Variants in MYCBP2 observed in about 807,000 individuals in gnomAD.
MYCBP2 encodes MYC binding protein 2.
A neutral mutation model predicts 525.3 loss-of-function variants in MYCBP2; 120 were observed. That is an observed-to-expected ratio of 0.23 (90% CI 0.20 to 0.27). The LOEUF (loss-of-function observed/expected upper bound fraction) is 0.27. Ranked by LOEUF, MYCBP2 falls within the 10% of genes least tolerant of loss-of-function variation. The pLI is 1.00. For missense variants in MYCBP2, 4,149 were observed against 5,657.1 expected, an observed-to-expected ratio of 0.73 and a Z score of 8.55; for synonymous variants, 1,894 against 1,955.8, an observed-to-expected ratio of 0.97 and a Z score of 0.83.
At chr13:77,213,213 G>T (rs556617876) in intron 21 of MYCBP2, among the ~76,000 whole-genome samples, 1 of 152,302 alleles carries the variant, frequency 6.6e-6, no homozygotes, top group South Asian at 2.1e-4. Flanking sequence ...AGTAGCTCAC[G>T]CCTGTAATCC....
chr13:77,324,367 A>G (rs927251035), intron 1 of MYCBP2, among the ~76,000 whole-genome samples: 1 of 152,180 alleles, frequency 6.6e-6, no homozygotes, highest in Non-Finnish European at 1.5e-5. Context: ...TCTCTAAAAG[A>G]TATCATCTTC....
rs148050936 is a variant in MYCBP2 at position 77,066,018 on chromosome 13, T to C, written c.12526A>G (p.Ile4176Val). 7.3e-5 allele frequency: 118 copies of C among 1,613,016 alleles called. No individual in the cohort carries two copies. Among genetic ancestry groups the C allele is most frequent in the Non-Finnish European group, 9.3e-5 (110 of 1,179,398 alleles). ...STPTQISEII[I>V]KLIKDMAAGH... ...GCTGCCATATCCTTGATAAGTTTAATGATGATCTCTGAGATCTGGGTAGGG... is the reference window on the plus strand; with the variant it reads ...GCTGCCATATCCTTGATAAGTTTAACGATGATCTCTGAGATCTGGGTAGGG... The change falls in exon 72 of 83, where the codon ATT becomes GTT. Residue 4176 changes from isoleucine to valine, a missense_variant. Physicochemically the swap from Ile to Val is conservative, Grantham distance 29. Around this residue, in one of 21 missense-constraint regions of MYCBP2, gnomAD observed 148 missense variants for 179.4 expected, o/e 0.82. Coordinates refer to ENST00000544440, the MANE Select transcript of MYCBP2 (RefSeq NM_015057.5).
intron 23 of MYCBP2, among the ~76,000 whole-genome samples, chr13:77,208,594 C>CA (rs1012976723): frequency 6.6e-6 from 1 of 151,876 alleles, no homozygotes; most frequent in Non-Finnish European, 1.5e-5. Context: ...TATTTTTGAG[C>CA]AAAAAATCTA....
At chr13:77,112,575 A>G (rs2049017329) in intron 55 of MYCBP2, among the ~76,000 whole-genome samples, 1 of 151,698 alleles carries the variant, frequency 6.6e-6, no homozygotes, top group Admixed American at 6.6e-5. Context: ...ACAGGTGTGC[A>G]TCACTATGCC....
At chr13:77,152,791 C>T (rs1429309661) in intron 46 of MYCBP2, among the ~76,000 whole-genome samples, 3 of 152,080 alleles carry the variant, frequency 2.0e-5, no homozygotes, top group African/African-American at 7.2e-5. Context: ...CGTGGCTGGG[C>T]GCGGTGGCTC....
intron 18 of MYCBP2, among the ~76,000 whole-genome samples, chr13:77,229,407 A>G (rs2066811529): frequency 6.6e-6 from 1 of 152,238 alleles, no homozygotes. Flanking sequence ...AAATGGTAGG[A>G]CAAATTTAGA....
At chr13:77,160,596 G>T (rs985044150) in intron 44 of MYCBP2, among the ~76,000 whole-genome samples, 5 of 152,060 alleles carry the variant, frequency 3.3e-5, no homozygotes, top group African/African-American at 1.2e-4. Context: ...TATTATAATT[G>T]TAAGATGCAA....
chr13:77,149,356 C>T (rs918193059), intron 47 of MYCBP2, among the ~76,000 whole-genome samples: 9 of 151,896 alleles, frequency 5.9e-5, no homozygotes, highest in African/African-American at 2.2e-4. Flanking sequence ...TCCAAACCCA[C>T]TGAATCTAAA....
intron 58 of MYCBP2, among the ~76,000 whole-genome samples, chr13:77,094,614 C>T (rs948423922): frequency 1.3e-5 from 2 of 152,156 alleles, no homozygotes; most frequent in Non-Finnish European, 2.9e-5. Flanking sequence ...ACCCGTGATT[C>T]CTGAAATGTG....
chr13:77,136,579 A>G (rs1462173213), intron 52 of MYCBP2, among the ~76,000 whole-genome samples: 1 of 152,160 alleles, frequency 6.6e-6, no homozygotes, highest in Non-Finnish European at 1.5e-5. Context: ...CACTTAGGGC[A>G]ATAAAGGACT....
In MYCBP2 at chr13:77,128,078, T is replaced by A. The variant is rs141696339; in HGVS notation, c.7660-1536A>T. ...ACCGAAAATAAATGTAAAATACGCA[T>A]TTTATATACTCATCATATATATTTG... On this transcript the variant is annotated intron_variant, in intron 52 of 82. Coordinates refer to ENST00000544440, the MANE Select transcript of MYCBP2 (RefSeq NM_015057.5). Among the ~76,000 whole-genome samples, 375 of 151,968 alleles carry A rather than the reference T, an allele frequency of 2.5e-3. 1 individual carries two copies. The highest frequency in any genetic ancestry group is 8.4e-3 in the African/African-American group (351 of 41,550).
chr13:77,273,936 C>A (rs1462895372), intron 4 of MYCBP2, among the ~76,000 whole-genome samples: 2 of 152,226 alleles, frequency 1.3e-5, no homozygotes, highest in Middle Eastern at 3.4e-3. Context: ...TGCCTAGAGG[C>A]ATTCACATAT....
chr13:77,237,954 T>A (rs1456406236), intron 17 of MYCBP2, among the ~76,000 whole-genome samples: 1 of 151,972 alleles, frequency 6.6e-6, no homozygotes, highest in Admixed American at 6.6e-5. Flanking sequence ...TAAAAAGTAA[T>A]AGCAACATGC....
intron 55 of MYCBP2, among the ~76,000 whole-genome samples, chr13:77,117,536 GA>G (rs2049991481): frequency 6.6e-6 from 1 of 152,050 alleles, no homozygotes; most frequent in South Asian, 2.1e-4. Flanking sequence ...AAATAACTTA[GA>G]CCTAAGTGTG....
intron 68 of MYCBP2, among the ~76,000 whole-genome samples, chr13:77,073,900 A>T (rs2041825507): frequency 6.6e-6 from 1 of 152,040 alleles, no homozygotes. Context: ...AACCCCTGAT[A>T]CATATCATGT....
intron 40 of MYCBP2, among the ~76,000 whole-genome samples, chr13:77,167,025 A>ACACCCC (rs1555376500): frequency 1.6e-3 from 184 of 113,060 alleles, no homozygotes; most frequent in Non-Finnish European, 2.5e-3. Context: ...ACACACACAC[A>ACACCCC]CCAAATGAAA....
chr13:77,159,885 T>C (rs994807167), intron 44 of MYCBP2, among the ~76,000 whole-genome samples: 2 of 152,140 alleles, frequency 1.3e-5, no homozygotes, highest in African/African-American at 2.4e-5. Context: ...GCCTGACACA[T>C]ATTGTTTATT....
chr13:77,148,805 C>T (rs1185815246), intron 47 of MYCBP2, among the ~76,000 whole-genome samples: 1 of 152,022 alleles, frequency 6.6e-6, no homozygotes, highest in Non-Finnish European at 1.5e-5. Context: ...AAACCTTGAC[C>T]CTAAGATTCA....
intron 34 of MYCBP2, among the ~76,000 whole-genome samples, chr13:77,179,771 G>A (rs2060040834): frequency 6.6e-6 from 1 of 152,140 alleles, no homozygotes; most frequent in Non-Finnish European, 1.5e-5. Context: ...CACACTATGT[G>A]TGCACTATGA....
Sources: gnomAD v4.1 joint callset for allele counts (sites outside exome capture counted in the v4.1 genomes callset) on GRCh38, gnomAD v4.1.1 for gene constraint, gnomAD v4.1.1 regional missense constraint, MANE v1.5 for transcripts, NCBI Gene and HGNC (gene_info 2026-07-23, HGNC 2026-07-21) for gene names.